The following VSTM2B variants were observed in gnomAD, a reference collection of about 807,000 sequenced individuals.
The protein encoded by VSTM2B is V-set and transmembrane domain-containing protein 2B.
In VSTM2B, 24 loss-of-function variants were observed where a neutral mutation model predicts 24.0. That is an observed-to-expected ratio of 1.00 (90% CI 0.72 to 1.40). The LOEUF is 1.40. VSTM2B is among the 40% of genes most tolerant of loss of function. VSTM2B has a pLI of 0.00. For missense variants in VSTM2B, 399 were observed against 416.4 expected (o/e 0.96, Z 0.36); for synonymous variants, 226 against 194.4 (o/e 1.16, Z -1.35).
intron 4 of VSTM2B, among the ~76,000 whole-genome samples, chr19:29,538,467 C>T (rs1381346470): frequency 9.2e-5 from 14 of 152,280 alleles, no homozygotes; most frequent in South Asian, 4.1e-4. Flanking sequence ...CAGGGTGCTC[C>T]GATCTGAGAC....
chr19:29,529,048 G>C lies in VSTM2B; in HGVS notation c.297+586G>C, dbSNP rs531413000. 53 of 985,468 alleles carry C rather than the reference G, an allele frequency of 5.4e-5. 1 individual carries two copies. In the South Asian group the frequency reaches 2.3e-3, roughly 42 times the overall value. 61.0% of individuals were successfully genotyped at this position (985,468 alleles called of 1,614,324 possible). On this transcript the variant is annotated intron_variant, in intron 3 of 4. Coordinates refer to ENST00000335523, the MANE Select transcript of VSTM2B (RefSeq NM_001146339.2). ...TGCGCCCAAGCTTCCCACCTGGAGCGTAGAAAGGCCTGGAGATGACGAAGC... is the reference window on the plus strand; with the variant it reads ...TGCGCCCAAGCTTCCCACCTGGAGCCTAGAAAGGCCTGGAGATGACGAAGC...
rs1200962854 is a variant in VSTM2B, at chr19:29,530,286, C to A, written c.765C>A (p.Gly255=). The part of the protein sequence containing the change: ...GQAVLLRQRH[G]SGTGRSYTTD... ...CGGTCCTGCTGCGCCAGAGGCACGGCTCGGGTAAGGGATCGCGGAGAGGGG... is the reference window on the plus strand; with the variant it reads ...CGGTCCTGCTGCGCCAGAGGCACGGATCGGGTAAGGGATCGCGGAGAGGGG... The change falls in exon 4 of 5, where the codon GGC becomes GGA. Residue 255 remains glycine (G), a synonymous_variant. Transcript: ENST00000335523. 2 of 1,499,084 alleles carry A rather than the reference C, an allele frequency of 1.3e-6. No individual in the cohort carries two copies. The highest frequency in any genetic ancestry group is 1.8e-6 in the Non-Finnish European group (2 of 1,131,878). 92.9% of individuals were successfully genotyped at this position (1,499,084 alleles called of 1,614,324 possible). A position where few individuals can be genotyped will look rare whatever the true frequency, so the allele number is the denominator to read the frequency against.
Position 29,563,986 on chromosome 19 carries a change from C to T in VSTM2B, c.*52C>T. On this transcript the variant is annotated 3_prime_UTR_variant, in exon 5 of 5. Transcript: ENST00000335523. Reference sequence around the variant, plus strand: ...GAGGCCGCACATGACCTGCCCGGGGCCCTCGGTGAGGACCATGTCGCTGGA... The same window carrying T: ...GAGGCCGCACATGACCTGCCCGGGGTCCTCGGTGAGGACCATGTCGCTGGA... 1 of 1,458,956 alleles carries T rather than the reference C, an allele frequency of 6.9e-7. No individual in the cohort carries two copies. Among genetic ancestry groups the T allele is most frequent in the East Asian group, 2.5e-5 (1 of 40,480 alleles). 90.4% of individuals were successfully genotyped at this position (1,458,956 alleles called of 1,614,324 possible).
chr19:29,546,221 G>C (rs758745750), intron 4 of VSTM2B, among the ~76,000 whole-genome samples: 5 of 152,202 alleles, frequency 3.3e-5, no homozygotes, highest in African/African-American at 1.2e-4. Context: ...GAATTCAGGA[G>C]AGCCTGGGTG....
At chr19:29,534,365 G>T (rs1362802548) in intron 4 of VSTM2B, among the ~76,000 whole-genome samples, 1 of 152,238 alleles carries the variant, frequency 6.6e-6, no homozygotes, top group Non-Finnish European at 1.5e-5. Context: ...GTAGAGGTCA[G>T]CCCTCAGGGG....
chr19:29,531,841 G>C (rs1969767077), intron 4 of VSTM2B, among the ~76,000 whole-genome samples: 1 of 152,252 alleles, frequency 6.6e-6, no homozygotes, highest in Non-Finnish European at 1.5e-5. Flanking sequence ...TTCATATCAA[G>C]TCCTGCCCTG....
At chr19:29,530,396 A>C in intron 4 of VSTM2B, 106 bp downstream of exon 4, 2 of 1,011,972 alleles carry the variant, frequency 2.0e-6, no homozygotes, top group Non-Finnish European at 2.7e-6. Flanking sequence ...CCCTGGGCGC[A>C]TTTGCATATG....
At chr19:29,559,983 G>T (rs566215125) in intron 4 of VSTM2B, among the ~76,000 whole-genome samples, 1 of 152,020 alleles carries the variant, frequency 6.6e-6, no homozygotes, top group Non-Finnish European at 1.5e-5. Flanking sequence ...GTCTATGATC[G>T]GCTGCTAATT....
intron 4 of VSTM2B, among the ~76,000 whole-genome samples, chr19:29,543,685 C>G (rs894702056): frequency 1.3e-5 from 2 of 152,228 alleles, no homozygotes; most frequent in South Asian, 2.1e-4. Context: ...TTGCCTGACC[C>G]AGGAGATCCA....
At chr19:29,549,217 C>G (rs1228505820) in intron 4 of VSTM2B, among the ~76,000 whole-genome samples, 2 of 152,194 alleles carry the variant, frequency 1.3e-5, no homozygotes, top group Non-Finnish European at 2.9e-5. Context: ...CCTCAGGTGG[C>G]CACTTGGTGC....
At chr19:29,534,306 C>T (rs1388841720) in intron 4 of VSTM2B, among the ~76,000 whole-genome samples, 3 of 152,174 alleles carry the variant, frequency 2.0e-5, no homozygotes, top group African/African-American at 7.2e-5. Flanking sequence ...CTCCCTTTGG[C>T]CAAACCCTCC....
intron 4 of VSTM2B, among the ~76,000 whole-genome samples, chr19:29,536,980 T>C (rs1017415075): frequency 3.3e-4 from 50 of 152,224 alleles, no homozygotes; most frequent in Non-Finnish European, 2.9e-4. Context: ...AGCATGGTTT[T>C]AAGACATTTT....
At chr19:29,555,486 A>G (rs1016747407) in intron 4 of VSTM2B, among the ~76,000 whole-genome samples, 17 of 152,328 alleles carry the variant, frequency 1.1e-4, no homozygotes, top group African/African-American at 3.1e-4. Flanking sequence ...TAGCATCACA[A>G]CTAAAAGAAC....
intron 4 of VSTM2B, among the ~76,000 whole-genome samples, chr19:29,542,192 A>G (rs957346664): frequency 1.3e-5 from 2 of 150,490 alleles, no homozygotes; most frequent in Non-Finnish European, 3.0e-5. Context: ...TAGAAGAATG[A>G]TAAGTAGATG....
intron 4 of VSTM2B, among the ~76,000 whole-genome samples, chr19:29,552,765 T>C (rs1387797726): frequency 6.6e-6 from 1 of 152,170 alleles, no homozygotes; most frequent in Admixed American, 6.5e-5. Context: ...GTCTGCTGCT[T>C]TTCCCCTGCC....
At chr19:29,533,684 C>G (rs560685059) in intron 4 of VSTM2B, among the ~76,000 whole-genome samples, 1 of 152,212 alleles carries the variant, frequency 6.6e-6, no homozygotes, top group African/African-American at 2.4e-5. Context: ...CCCACCTCAC[C>G]CCGGTCACCC....
Position 29,564,022 on chromosome 19 carries a change from G to T in VSTM2B, c.*88G>T, listed in dbSNP as rs971954082. 6.3e-6 allele frequency: 6 copies of T among 954,606 alleles called. No homozygotes were observed. The African/African-American group carries it at 1.0e-4, about 16-fold the overall frequency. 59.1% of individuals were successfully genotyped at this position (954,606 alleles called of 1,614,324 possible). ...GACCATGTCGCTGGATGGACACAGAGAGACTGAGAGACGCATGAAAAAGTC... is the reference window on the plus strand; with the variant it reads ...GACCATGTCGCTGGATGGACACAGATAGACTGAGAGACGCATGAAAAAGTC... On this transcript the variant is annotated 3_prime_UTR_variant, in exon 5 of 5. Coordinates refer to ENST00000335523, the MANE Select transcript of VSTM2B (RefSeq NM_001146339.2).
intron 4 of VSTM2B, among the ~76,000 whole-genome samples, chr19:29,546,969 A>T (rs1457065111): frequency 6.6e-6 from 1 of 152,108 alleles, no homozygotes; most frequent in East Asian, 1.9e-4. Flanking sequence ...ATTCATGGGG[A>T]AGGAGAGTTC....
At chr19:29,533,433 C>T (rs1054989174) in intron 4 of VSTM2B, among the ~76,000 whole-genome samples, 1 of 152,184 alleles carries the variant, frequency 6.6e-6, no homozygotes, top group Non-Finnish European at 1.5e-5. Context: ...GTAGACACAT[C>T]TCAGAAAGAA....
Sources: allele counts gnomAD v4.1 joint callset (sites outside exome capture counted in the v4.1 genomes callset), GRCh38; gene constraint gnomAD v4.1.1; transcripts MANE v1.5; gene names NCBI Gene and HGNC (gene_info 2026-07-23, HGNC 2026-07-21).